Variants in C11orf54 observed in about 807,000 individuals in gnomAD.
The protein encoded by C11orf54 is beta-keto L-gulonate decarboxylase.
C11orf54 carries 29 observed loss-of-function variants against 35.5 expected under a neutral mutation model. The ratio of observed to expected loss-of-function variants is 0.82; its 90% CI spans 0.61 to 1.11. The LOEUF is 1.11. Ranked by LOEUF, C11orf54 falls within the 50% of genes most tolerant of loss-of-function variation. C11orf54 has a pLI of 0.00. For synonymous variants in C11orf54, 108 were observed against 121.1 expected (o/e 0.89, Z 0.71); for missense variants, 373 against 369.2 (o/e 1.01, Z -0.08).
intron 1 of C11orf54, 119 bp from the exon 2 acceptor site, chr11:93,747,178 G>A (rs542280252): frequency 8.1e-6 from 3 of 368,340 alleles, no homozygotes; most frequent in South Asian, 2.5e-4. Flanking sequence ...AAGGCCACTT[G>A]TCTATTTCTC....
intron 1 of C11orf54, among the ~76,000 whole-genome samples, chr11:93,743,225 T>C (rs981315327): frequency 2.4e-4 from 36 of 152,160 alleles, no homozygotes; most frequent in South Asian, 8.3e-4. Context: ...GGTCTCGAAC[T>C]CTTGACCTCA....
rs753803680 is a variant in C11orf54 at position 93,763,808 on chromosome 11, A to G, written c.*2120A>G. The G allele has an allele frequency of 6.6e-6, 1 of 152,226 alleles. No homozygotes were observed. The highest frequency in any genetic ancestry group is 1.5e-5 in the Non-Finnish European group (1 of 68,104). 9.4% of individuals were successfully genotyped at this position (152,226 alleles called of 1,614,324 possible). On this transcript the variant is annotated 3_prime_UTR_variant, in exon 9 of 9. Coordinates refer to ENST00000354421, the MANE Select transcript of C11orf54 (RefSeq NM_001286069.2). ...GCCACACACACACCAACAGAGTATGAAAGGGTTGTTACTCACATAATGAAG... is the reference window on the plus strand; with the variant it reads ...GCCACACACACACCAACAGAGTATGGAAGGGTTGTTACTCACATAATGAAG...
At chr11:93,757,583 G>C in intron 7 of C11orf54, 118 bp downstream of exon 7, 1 of 1,132,986 alleles carries the variant, frequency 8.8e-7, no homozygotes, top group Non-Finnish European at 1.2e-6. Context: ...ATGCTGGAGT[G>C]TAGTGGCACA....
chr11:93,753,691 G>A lies in C11orf54; in HGVS notation c.164G>A (p.Gly55Glu), dbSNP rs755357001. 1.2e-6 allele frequency: 2 copies of A among 1,613,556 alleles called. No individual in the cohort carries two copies. Among genetic ancestry groups the A allele is most frequent in the Non-Finnish European group, 1.7e-6 (2 of 1,179,908 alleles). The part of the protein sequence containing the change: ...PFTFPVKGIC[G>E]KTRIAEVGGV... ...TTTGGTTTTTTCTTAGGCATCTGTGGGAAAACTAGAATTGCAGAAGTTGGA... is the reference window on the plus strand; with the variant it reads ...TTTGGTTTTTTCTTAGGCATCTGTGAGAAAACTAGAATTGCAGAAGTTGGA... The change falls in exon 4 of 9, where the codon GGG becomes GAG. Residue 55 changes from glycine to glutamate, a missense_variant. By Grantham distance (98) the Gly-to-Glu change is moderately conservative. Coordinates refer to ENST00000354421, the MANE Select transcript of C11orf54 (RefSeq NM_001286069.2).
intron 5 of C11orf54, 78 bp downstream of exon 5, chr11:93,754,115 C>T (rs1405290148): frequency 1.6e-6 from 2 of 1,230,084 alleles, no homozygotes; most frequent in African/African-American, 1.5e-5. Flanking sequence ...TGCCAAAAAT[C>T]CTACTTTCTG....
intron 3 of C11orf54, among the ~76,000 whole-genome samples, chr11:93,751,225 C>T (rs1426949976): frequency 6.6e-6 from 1 of 152,030 alleles, no homozygotes; most frequent in Admixed American, 6.6e-5. Flanking sequence ...TTAGAACAAA[C>T]CTGACTTTGA....
At chr11:93,744,267 A>C (rs187901537) in intron 1 of C11orf54, among the ~76,000 whole-genome samples, 3 of 152,226 alleles carry the variant, frequency 2.0e-5, no homozygotes, top group African/African-American at 7.2e-5. Flanking sequence ...CCTAATAAGT[A>C]CATTTCTAAA....
At chr11:93,750,635 A>G (rs1274053670) in intron 3 of C11orf54, among the ~76,000 whole-genome samples, 191 bp downstream of exon 3, 2 of 152,178 alleles carry the variant, frequency 1.3e-5, no homozygotes, top group Admixed American at 6.5e-5. Context: ...CTTGTGGAAA[A>G]GGATTGTGTT....
chr11:93,761,410 A>G, intron 8 of C11orf54, 105 bp from the exon 9 acceptor site: 1 of 1,019,672 alleles, frequency 9.8e-7, no homozygotes, highest in Non-Finnish European at 1.4e-6. Context: ...TGAATGTATT[A>G]CCTATTTAAA....
At position 93,747,428 on chromosome 11, in the gene C11orf54, G is replaced by A. The variant is rs760477812; in HGVS notation, c.35G>A (p.Ser12Asn). 2 of 1,598,162 alleles carry A rather than the reference G, an allele frequency of 1.3e-6. No homozygotes were observed. The highest frequency in any genetic ancestry group is 1.7e-6 in the Non-Finnish European group (2 of 1,174,060). The change falls in exon 2 of 9, where the codon AGT (serine) becomes AAT (asparagine). Residue 12 changes from serine (S) to asparagine (N), a missense_variant. Ser to Asn is a conservative substitution (Grantham distance 46). Transcript: ENST00000354421. Reference sequence around the variant, plus strand: ...GCTGAGTTTTCTTTTCATGTACCAAGTCTTGAAGAGCTTGCTGGAGGTAAA... The same window carrying A: ...GCTGAGTTTTCTTTTCATGTACCAAATCTTGAAGAGCTTGCTGGAGGTAAA... ...ACAEFSFHVP[S>N]LEELAGVMQK... is the part of the protein sequence containing the mutation.
chr11:93,754,701 A>G (rs1943035291), intron 5 of C11orf54, among the ~76,000 whole-genome samples: 1 of 150,846 alleles, frequency 6.6e-6, no homozygotes, highest in East Asian at 1.9e-4. Flanking sequence ...CAAGTTATAG[A>G]TACACTGTAA....
chr11:93,748,848 A>G (rs1291523423), intron 2 of C11orf54, among the ~76,000 whole-genome samples: 1 of 151,494 alleles, frequency 6.6e-6, no homozygotes, highest in African/African-American at 2.4e-5. Context: ...AAAAAAAAAA[A>G]AGAAAGAAAG....
At chr11:93,750,755 T>A (rs951370059) in intron 3 of C11orf54, among the ~76,000 whole-genome samples, 1 of 152,222 alleles carries the variant, frequency 6.6e-6, no homozygotes, top group African/African-American at 2.4e-5. Flanking sequence ...TTATGGAAAC[T>A]GATTTTAATT....
chr11:93,756,311 T>TC (rs1943152319), intron 6 of C11orf54, among the ~76,000 whole-genome samples: 1 of 79,400 alleles, frequency 1.3e-5, no homozygotes, highest in South Asian at 3.9e-4. Context: ...CAAGACCCTG[T>TC]CAAAAAAAAA....
Position 93,762,550 on chromosome 11 carries a change from T to G in C11orf54, c.*862T>G, listed in dbSNP as rs1419871751. 1 of 152,138 alleles carries G rather than the reference T, an allele frequency of 6.6e-6. No homozygotes were observed. The highest frequency in any genetic ancestry group is 1.5e-5 in the Non-Finnish European group (1 of 68,026). 9.4% of individuals were successfully genotyped at this position (152,138 alleles called of 1,614,324 possible). ...CATGTTGGGAGGCCGAGTGGGAGGA[T>G]TGCCTGAGCCTAGGAGTTTAAACCA... On this transcript the variant is annotated 3_prime_UTR_variant, in exon 9 of 9. Coordinates refer to ENST00000354421, the MANE Select transcript of C11orf54 (RefSeq NM_001286069.2).
At chr11:93,749,556 G>A (rs1337293054) in intron 2 of C11orf54, among the ~76,000 whole-genome samples, 1 of 142,186 alleles carries the variant, frequency 7.0e-6, no homozygotes, top group African/African-American at 2.6e-5. Flanking sequence ...ATGGCTCATT[G>A]TAATCCCAGC....
In C11orf54 at chr11:93,761,577, C is replaced by T. The variant is rs577922152; in HGVS notation, c.837C>T (p.Tyr279=). The T allele has an allele frequency of 5.0e-6, 8 of 1,612,808 alleles. No homozygotes were observed. The highest frequency in any genetic ancestry group is 6.8e-6 in the Non-Finnish European group (8 of 1,179,460). The part of the protein sequence containing the change: ...FFSRHGEGGH[Y]HYDTTPDIVE... ...GTCGTCATGGAGAAGGTGGACACTACCATTATGACACTACTCCAGATATAG... is the reference window on the plus strand; with the variant it reads ...GTCGTCATGGAGAAGGTGGACACTATCATTATGACACTACTCCAGATATAG... Residue 279 remains tyrosine (Y), a synonymous_variant, in exon 9 of 9, where the codon TAC becomes TAT. Coordinates refer to ENST00000354421, the MANE Select transcript of C11orf54 (RefSeq NM_001286069.2).
chr11:93,747,525 C>A (rs928791713), intron 2 of C11orf54, 77 bp downstream of exon 2: 7 of 1,013,976 alleles, frequency 6.9e-6, no homozygotes, highest in Non-Finnish European at 1.0e-5. Context: ...TAAGATCTAT[C>A]TATATCTTAC....
rs777046889 is a variant in C11orf54, at chr11:93,755,318, G to C, written c.439G>C (p.Glu147Gln). 5.0e-6 allele frequency: 8 copies of C among 1,614,168 alleles called. No individual in the cohort carries two copies. Among genetic ancestry groups the C allele is most frequent in the Non-Finnish European group, 6.8e-6 (8 of 1,180,024 alleles). ...AGGGTGCCTACTGGAGAAATACAGT[G>C]AGAAATGTCATGATTTTCAGTGTGC... is the stretch of plus-strand genomic sequence containing the variant. Reference protein sequence around the residue: ...DGGCLLEKYSEKCHDFQCALL... With the variant: ...DGGCLLEKYSQKCHDFQCALL... Residue 147 changes from glutamate to glutamine, a missense_variant, in exon 6 of 9, where the codon GAG becomes CAG. Coordinates refer to ENST00000354421, the MANE Select transcript of C11orf54 (RefSeq NM_001286069.2).
Sources: allele counts gnomAD v4.1 joint callset (sites outside exome capture counted in the v4.1 genomes callset), GRCh38; gene constraint gnomAD v4.1.1; transcripts MANE v1.5; gene names NCBI Gene and HGNC (gene_info 2026-07-23, HGNC 2026-07-21).